Variants in TCF12 observed in about 807,000 individuals in gnomAD.
TCF12 encodes DNA-binding protein HTF4.
A neutral mutation model predicts 86.0 loss-of-function variants in TCF12; 45 were observed. The ratio of observed to expected loss-of-function variants is 0.52; its 90% CI spans 0.41 to 0.67. The LOEUF (loss-of-function observed/expected upper bound fraction) is 0.67. TCF12 is among the 30% of genes least tolerant of loss of function. The pLI, the probability that TCF12 is intolerant of heterozygous loss-of-function variation, is 0.00. For synonymous variants in TCF12, 330 were observed against 299.6 expected (o/e 1.10, Z -1.05); for missense variants, 881 against 859.9 (o/e 1.02, Z -0.31).
intron 3 of TCF12, among the ~76,000 whole-genome samples, chr15:56,985,578 G>A (rs1282077378): frequency 2.0e-5 from 3 of 152,058 alleles, no homozygotes; most frequent in Non-Finnish European, 4.4e-5. Context: ...GCTTATAACC[G>A]TAGTTCCTGT....
chr15:57,214,241 T>C (rs971882612), intron 8 of TCF12: 15 of 152,210 alleles, frequency 9.9e-5, no homozygotes, highest in African/African-American at 3.6e-4. Context: ...ATTTTACATA[T>C]TCTCAGTAAT....
intron 6 of TCF12, among the ~76,000 whole-genome samples, chr15:57,173,441 AC>A (rs1463014986): frequency 2.0e-5 from 3 of 152,048 alleles, no homozygotes; most frequent in African/African-American, 7.2e-5. Flanking sequence ...AACTAACAAA[AC>A]CAAAATTTGG....
intron 3 of TCF12, among the ~76,000 whole-genome samples, chr15:56,931,144 A>G (rs114116026): frequency 0.017 from 2,564 of 148,412 alleles, 79 homozygotes; most frequent in African/African-American, 0.058. Flanking sequence ...TCTCAACTAG[A>G]GACTTCATCA....
chr15:57,000,707 A>G (rs1315379235), intron 3 of TCF12, among the ~76,000 whole-genome samples: 2 of 152,116 alleles, frequency 1.3e-5, no homozygotes, highest in East Asian at 1.9e-4. Flanking sequence ...ATAAAGGATG[A>G]TGTTTTTCCA....
intron 6 of TCF12, among the ~76,000 whole-genome samples, chr15:57,171,225 A>G (rs1270152350): frequency 1.3e-5 from 2 of 151,452 alleles, no homozygotes; most frequent in African/African-American, 4.8e-5. Flanking sequence ...GATGAGAGAA[A>G]GATACCTTTT....
intron 3 of TCF12, among the ~76,000 whole-genome samples, chr15:57,026,575 A>G (rs1041817028): frequency 3.9e-5 from 6 of 152,226 alleles, no homozygotes; most frequent in Non-Finnish European, 7.3e-5. Context: ...TAAGGGAAAA[A>G]CATTCAACTC....
At chr15:57,099,974 C>T (rs2049611074) in intron 5 of TCF12, among the ~76,000 whole-genome samples, 1 of 152,096 alleles carries the variant, frequency 6.6e-6, no homozygotes, top group Non-Finnish European at 1.5e-5. Context: ...TCAAGTGGAC[C>T]ACCTTTACTT....
At chr15:57,156,794 C>G (rs1265735988) in intron 5 of TCF12, among the ~76,000 whole-genome samples, 1 of 152,046 alleles carries the variant, frequency 6.6e-6, no homozygotes, top group African/African-American at 2.4e-5. Context: ...AGGTCATGGT[C>G]TAAATTAAAT....
At chr15:56,953,702 ATTAG>A (rs1310918231) in intron 3 of TCF12, among the ~76,000 whole-genome samples, 1 of 152,034 alleles carries the variant, frequency 6.6e-6, no homozygotes, top group African/African-American at 2.4e-5. Flanking sequence ...TGTCGAATAT[ATTAG>A]TTATTTATAA....
At chr15:56,999,121 C>A (rs1205410522) in intron 3 of TCF12, among the ~76,000 whole-genome samples, 1 of 151,630 alleles carries the variant, frequency 6.6e-6, no homozygotes, top group Non-Finnish European at 1.5e-5. Context: ...TGGCGTGAAC[C>A]CGGGAAGCGG....
At chr15:57,138,821 G>A (rs927509633) in intron 5 of TCF12, among the ~76,000 whole-genome samples, 4 of 152,098 alleles carry the variant, frequency 2.6e-5, no homozygotes, top group Non-Finnish European at 5.9e-5. Context: ...TTAAGCGCGT[G>A]CTACCAATTG....
chr15:57,085,549 A>G (rs2048566250), intron 4 of TCF12, among the ~76,000 whole-genome samples: 1 of 152,200 alleles, frequency 6.6e-6, no homozygotes, highest in Non-Finnish European at 1.5e-5. Flanking sequence ...GTTGTGATCA[A>G]GTCAACCCAC....
rs751753855 is a variant in TCF12, at chr15:57,252,486, C to G, written c.1254C>G (p.Val418=). Residue 418 remains valine (V), a synonymous_variant, in exon 15 of 21, where the codon GTC becomes GTG. Transcript: ENST00000333725. ...ATGCAATGTCCTTCTTAAAGGATGT[C>G]TGTGAGGTACTATTTCTTTTAGATG... ...LQDAMSFLKD[V]CEQSRMEDRL... is the part of the protein sequence containing the mutation. 5 of 1,613,498 alleles carry G rather than the reference C, an allele frequency of 3.1e-6. No homozygotes were observed. The East Asian group carries it at 1.1e-4, about 36-fold the overall frequency.
At chr15:57,197,152 CTTTTT>C (rs138145337) in intron 7 of TCF12, among the ~76,000 whole-genome samples, 1 of 87,258 alleles carries the variant, frequency 1.1e-5, no homozygotes, top group East Asian at 3.5e-4. Flanking sequence ...AGAACAGCTT[CTTTTT>C]TTTTTTTTTT....
chr15:56,919,320 T>G (rs545889095), intron 1 of TCF12: 1 of 152,054 alleles, frequency 6.6e-6, no homozygotes, highest in Non-Finnish European at 1.5e-5. Context: ...GTTTCTGTTT[T>G]CTGTTTAAAA....
chr15:57,007,804 T>TTCTC (rs1329782436), intron 3 of TCF12, among the ~76,000 whole-genome samples: 17 of 131,916 alleles, frequency 1.3e-4, no homozygotes, highest in African/African-American at 4.1e-4. Context: ...CTTTCTTTCT[T>TTCTC]TCTTTCTTTC....
chr15:57,127,589 T>C (rs2051765280), intron 5 of TCF12, among the ~76,000 whole-genome samples: 1 of 152,188 alleles, frequency 6.6e-6, no homozygotes, highest in African/African-American at 2.4e-5. Context: ...GTTACTGAGT[T>C]TGAGAATGAG....
chr15:57,202,992 C>CA (rs370730804), intron 8 of TCF12, among the ~76,000 whole-genome samples: 1 of 151,338 alleles, frequency 6.6e-6, no homozygotes, highest in Admixed American at 6.6e-5. Context: ...GAAAAGCAAA[C>CA]AAAAAAAAGT....
chr15:57,244,727 G>C (rs1203420191), intron 13 of TCF12, among the ~76,000 whole-genome samples: 1 of 151,270 alleles, frequency 6.6e-6, no homozygotes, highest in Non-Finnish European at 1.5e-5. Flanking sequence ...TTCTCCCAAA[G>C]TGCTGGGATT....
Sources: allele counts gnomAD v4.1 joint callset (sites outside exome capture counted in the v4.1 genomes callset), GRCh38; gene constraint gnomAD v4.1.1; transcripts MANE v1.5; gene names NCBI Gene and HGNC (gene_info 2026-07-23, HGNC 2026-07-21).